The following CLEC17A variants were observed in gnomAD, a reference collection of about 807,000 sequenced individuals.
CLEC17A encodes the protein C-type lectin domain family 17, member A.
In CLEC17A, 37 loss-of-function variants were observed where a neutral mutation model predicts 61.3. The ratio of observed to expected loss-of-function variants is 0.60; its 90% confidence interval spans 0.46 to 0.79. CLEC17A has a LOEUF of 0.79. Ranked by LOEUF, CLEC17A falls within the 30% of genes least tolerant of loss-of-function variation. The pLI is 0.00. For synonymous variants in CLEC17A, 168 were observed against 164.9 expected (o/e 1.02, Z -0.14); for missense variants, 418 against 464.7 (o/e 0.90, Z 0.92).
chr19:14,593,372 C>T (rs116843106), intron 4 of CLEC17A, among the ~76,000 whole-genome samples: 2,908 of 148,874 alleles, frequency 0.02, 38 homozygotes, highest in Middle Eastern at 0.043. Flanking sequence ...TTGGGCCAGG[C>T]GTGGTGGCTC....
At chr19:14,604,094 G>C (rs2074792307) in intron 12 of CLEC17A, among the ~76,000 whole-genome samples, 1 of 152,066 alleles carries the variant, frequency 6.6e-6, no homozygotes, top group South Asian at 2.1e-4. Context: ...TCCCATTCTG[G>C]GGTCTAAGAC....
intron 10 of CLEC17A, among the ~76,000 whole-genome samples, chr19:14,599,337 CT>C (rs2074643791): frequency 6.6e-6 from 1 of 152,088 alleles, no homozygotes; most frequent in Non-Finnish European, 1.5e-5. Context: ...ATCCGCCCAC[CT>C]CGGCCTCCCA....
At chr19:14,601,672 G>C (rs2074721523) in intron 12 of CLEC17A, among the ~76,000 whole-genome samples, 1 of 152,170 alleles carries the variant, frequency 6.6e-6, no homozygotes, top group Non-Finnish European at 1.5e-5. Context: ...AAGCTGGAGT[G>C]CAGTGGTATA....
chr19:14,587,938 G>A (rs182461581), intron 3 of CLEC17A, among the ~76,000 whole-genome samples: 2 of 152,088 alleles, frequency 1.3e-5, no homozygotes, highest in Admixed American at 1.3e-4. Context: ...GGGGGACTGA[G>A]GGCTCAAATA....
Position 14,592,328 on chromosome 19 carries a change from C to A in CLEC17A, c.247C>A (p.Pro83Thr), listed in dbSNP as rs915727601. The stretch of plus-strand genomic sequence containing the variant: ...GGATGATGACTATGAGAACTCAACA[C>A]CTCCCTACAAGGACCTTCCTCCCAA... ...EEDDDYENST[P>T]PYKDLPPKPG... is the part of the protein sequence containing the mutation. The change falls in exon 4 of 14, where the codon CCT becomes ACT. Residue 83 changes from proline (P) to threonine (T), a missense_variant. Physicochemically the swap from Pro to Thr is conservative, Grantham distance 38. Transcript: ENST00000417570. 1 of 1,603,588 alleles carries A rather than the reference C, an allele frequency of 6.2e-7. No individual in the cohort carries two copies. The highest frequency in any genetic ancestry group is 1.3e-5 in the African/African-American group (1 of 74,694).
At chr19:14,583,304 G>C (rs1599523769) in intron 1 of CLEC17A, 53 bp from the exon 2 acceptor site, 1 of 1,609,998 alleles carries the variant, frequency 6.2e-7, no homozygotes, top group South Asian at 1.1e-5. Flanking sequence ...CAGGGCTTGA[G>C]GGATGGAGGG....
At position 14,597,033 on chromosome 19, in the gene CLEC17A, G is replaced by A; in HGVS notation, c.583+20G>A. 6.2e-7 allele frequency: 1 copy of A among 1,610,858 alleles called. No individual in the cohort carries two copies. The highest frequency in any genetic ancestry group is 8.5e-7 in the Non-Finnish European group (1 of 1,178,502). The stretch of plus-strand genomic sequence containing the variant: ...TTAAGTGTGAGTAGGGCCAGGAAGG[G>A]ACATGGGGAGAGATTGGGGAGGGTG... On this transcript the variant is annotated intron_variant, in intron 9 of 13. Transcript: ENST00000417570.
rs113707037 is a variant in CLEC17A, at chr19:14,590,401, T to C, written c.200-1880T>C. The stretch of plus-strand genomic sequence containing the variant: ...AATTTCTTTACTTTTTTTTTTTTTT[T>C]TCTTGAGACGGAGTTTCACTCTTGC... On this transcript the variant is annotated intron_variant, in intron 3 of 13. Coordinates refer to ENST00000417570, the MANE Select transcript of CLEC17A (RefSeq NM_001204118.2). 9.2e-4 allele frequency among the ~76,000 whole-genome samples: 134 copies of C among 145,544 alleles called. 1 individual carries two copies. The South Asian group carries it at 0.027, about 30-fold the overall frequency.
chr19:14,599,224 A>T (rs188714413), intron 10 of CLEC17A, among the ~76,000 whole-genome samples: 1,826 of 151,330 alleles, frequency 0.012, 35 homozygotes, highest in African/African-American at 0.042. Flanking sequence ...AGTAGCTGGG[A>T]TTACAGGCAT....
chr19:14,610,143 C>T lies in CLEC17A; in HGVS notation c.1084C>T (p.Leu362Phe). 1 of 1,604,046 alleles carries T rather than the reference C, an allele frequency of 6.2e-7. No homozygotes were observed. The highest frequency in any genetic ancestry group is 1.3e-5 in the African/African-American group (1 of 74,888). ...TMNKGGTWND[L>F]SCYKTTYWIC... Reference sequence around the variant, plus strand: ...GAACAAAGGTGGCACCTGGAATGATCTCTCTTGCTACAAAACTACGTATTG... The same window carrying T: ...GAACAAAGGTGGCACCTGGAATGATTTCTCTTGCTACAAAACTACGTATTG... The change falls in exon 14 of 14, where the codon CTC becomes TTC. Residue 362 changes from leucine to phenylalanine, a missense_variant. Leu to Phe is a conservative substitution (Grantham distance 22). Coordinates refer to ENST00000417570, the MANE Select transcript of CLEC17A (RefSeq NM_001204118.2).
At chr19:14,586,494 C>T (rs1430968223) in intron 2 of CLEC17A, among the ~76,000 whole-genome samples, 1 of 152,016 alleles carries the variant, frequency 6.6e-6, no homozygotes, top group Non-Finnish European at 1.5e-5. Flanking sequence ...GCAATCATGG[C>T]TCACTGCTGT....
rs1234030363 is a variant in CLEC17A, at chr19:14,610,169, G to A, written c.1110G>A (p.Trp370Ter). The A allele has an allele frequency of 2.5e-6, 4 of 1,581,874 alleles. No homozygotes were observed. Among genetic ancestry groups the A allele is most frequent in the Non-Finnish European group, 3.4e-6 (4 of 1,163,720 alleles). The change falls in exon 14 of 14, where the codon TGG (tryptophan) becomes TGA (stop). Residue 370 changes from tryptophan (W) to a stop codon, truncating the protein, a stop_gained. Coordinates refer to ENST00000417570, the MANE Select transcript of CLEC17A (RefSeq NM_001204118.2). LOFTEE classifies it high-confidence loss of function. The part of the protein sequence containing the change: ...NDLSCYKTTY[W>*]ICERKCSC ...TCTCTTGCTACAAAACTACGTATTG[G>A]ATTTGTGAGCGGAAATGTTCCTGTT...
chr19:14,609,104 A>ATTGG (rs1568465062), intron 13 of CLEC17A, among the ~76,000 whole-genome samples: 1 of 152,096 alleles, frequency 6.6e-6, no homozygotes, highest in African/African-American at 2.4e-5. Context: ...CTGGCGGAAC[A>ATTGG]TTGGCTGCTA....
At chr19:14,600,591 T>C (rs1469468540) in intron 12 of CLEC17A, among the ~76,000 whole-genome samples, 3 of 151,970 alleles carry the variant, frequency 2.0e-5, no homozygotes, top group Admixed American at 2.0e-4. Flanking sequence ...TCTTTTCTTT[T>C]TTTTTTTTGA....
At chr19:14,605,246 A>C (rs10408691) in intron 12 of CLEC17A, among the ~76,000 whole-genome samples, 51,423 of 151,800 alleles carry the variant, frequency 0.34, 9,164 homozygotes, top group African/African-American at 0.45. Context: ...TACAGGCATG[A>C]CACCACGCCT....
chr19:14,611,515 C>G lies in CLEC17A; in HGVS notation c.*1319C>G, dbSNP rs1375467153. ...GCCTCAGCCTCCCAAGTAGCTGGGACTACAGGCGTTCACCCTCACACCTGG... is the reference window on the plus strand; with the variant it reads ...GCCTCAGCCTCCCAAGTAGCTGGGAGTACAGGCGTTCACCCTCACACCTGG... On this transcript the variant is annotated 3_prime_UTR_variant, in exon 14 of 14. Transcript: ENST00000417570. 6.6e-6 allele frequency among the ~76,000 whole-genome samples: 1 copy of G among 151,338 alleles called. No homozygotes were observed. The highest frequency in any genetic ancestry group is 1.5e-5 in the Non-Finnish European group (1 of 67,894).
rs2074519467 is a variant in CLEC17A, at chr19:14,595,402, A to G, written c.445+87A>G. 2.7e-6 allele frequency: 4 copies of G among 1,458,910 alleles called. No individual in the cohort carries two copies. The South Asian group carries it at 4.6e-5, about 17-fold the overall frequency. The allele number at this position is 1,458,910 out of a possible 1,614,324, so 90.4% of individuals were successfully genotyped here. A position where few individuals can be genotyped will look rare whatever the true frequency, so the allele number is the denominator to read the frequency against. On this transcript the variant is annotated intron_variant, in intron 8 of 13. Coordinates refer to ENST00000417570, the MANE Select transcript of CLEC17A (RefSeq NM_001204118.2). ...CTACAGTGAGACCCTGAGTCAGAGG[A>G]ACTTCTCCTTTAAGAAGCTGCTCCT...
At chr19:14,588,745 G>A (rs951166755) in intron 3 of CLEC17A, 6 of 151,968 alleles carry the variant, frequency 3.9e-5, no homozygotes, top group African/African-American at 7.3e-5. Context: ...GAGATCCTGG[G>A]GGCCCAAAAC....
At chr19:14,586,875 T>TTTTC (rs1322101586) in intron 2 of CLEC17A, among the ~76,000 whole-genome samples, 5 of 148,158 alleles carry the variant, frequency 3.4e-5, no homozygotes, top group Admixed American at 1.3e-4. Flanking sequence ...TGTTTCTTCT[T>TTTTC]TTTCTTTCTT....
Sources: allele counts gnomAD v4.1 joint callset (sites outside exome capture counted in the v4.1 genomes callset), GRCh38; gene constraint gnomAD v4.1.1; transcripts MANE v1.5; gene names NCBI Gene and HGNC (gene_info 2026-07-23, HGNC 2026-07-21).